Variants in CRYBB3 observed in about 807,000 individuals in gnomAD.
The protein encoded by CRYBB3 is beta-crystallin B3.
CRYBB3 carries 35 observed loss-of-function variants against 28.3 expected under a neutral mutation model. The observed-to-expected ratio is 1.24, with a 90% confidence interval of 0.95 to 1.64. The LOEUF (loss-of-function observed/expected upper bound fraction) is 1.64, where lower values mean the gene tolerates loss of function less well. Ranked by LOEUF, CRYBB3 falls within the 40% of genes most tolerant of loss-of-function variation. The pLI, the probability that CRYBB3 is intolerant of heterozygous loss-of-function variation, is 0.00. For synonymous variants in CRYBB3, 106 were observed against 110.4 expected, an observed-to-expected ratio of 0.96 and a Z score of 0.25; for missense variants, 296 against 297.4, an observed-to-expected ratio of 1.00 and a Z score of 0.04.
intron 3 of CRYBB3, 80 bp downstream of exon 3, chr22:25,202,872 CTGTTG>C: frequency 1.9e-6 from 3 of 1,585,852 alleles, no homozygotes; most frequent in Non-Finnish European, 2.6e-6. Flanking sequence ...AGCTCTAGAT[CTGTTG>C]TGGGGCTTTT....
In CRYBB3 at chr22:25,206,265, C is replaced by T. The variant is rs561999319; in HGVS notation, c.471-782C>T. 7.3e-4 allele frequency among the ~76,000 whole-genome samples: 111 copies of T among 152,260 alleles called. 1 individual carries two copies. Among genetic ancestry groups the T allele is most frequent in the Non-Finnish European group, 8.7e-4 (59 of 68,018 alleles). ...CATCCTCTGGCCCTCAAAAAATTTG[C>T]GTAGTCTGGGGCTCACGCCTGTAAT... On this transcript the variant is annotated intron_variant, in intron 5 of 5. Transcript: ENST00000215855.
chr22:25,205,410 C>T, intron 5 of CRYBB3, 48 bp downstream of exon 5: 1 of 1,609,152 alleles, frequency 6.2e-7, no homozygotes, highest in Non-Finnish European at 8.5e-7. Context: ...GTCAGCCATG[C>T]CTCTGGCTCC....
chr22:25,203,646 G>T, intron 3 of CRYBB3, 117 bp from the exon 4 acceptor site: 1 of 1,133,350 alleles, frequency 8.8e-7, no homozygotes, highest in East Asian at 2.4e-5. Flanking sequence ...TTAGCAGTAG[G>T]GTTGGAGGGA....
At chr22:25,200,374 GA>G (rs1332183279) in intron 1 of CRYBB3, among the ~76,000 whole-genome samples, 1 of 152,122 alleles carries the variant, frequency 6.6e-6, no homozygotes, top group Non-Finnish European at 1.5e-5. Flanking sequence ...GTAACAGTTG[GA>G]TGTGGGGTGT....
intron 2 of CRYBB3, among the ~76,000 whole-genome samples, chr22:25,202,386 G>A (rs1208045815): frequency 6.6e-6 from 1 of 152,208 alleles, no homozygotes; most frequent in African/African-American, 2.4e-5. Flanking sequence ...GCCAGAAGCA[G>A]CTTCATTTCC....
chr22:25,205,555 G>C (rs995046930), intron 5 of CRYBB3, among the ~76,000 whole-genome samples, 193 bp downstream of exon 5: 12 of 152,160 alleles, frequency 7.9e-5, no homozygotes, highest in African/African-American at 2.7e-4. Context: ...CGCCTCCCGG[G>C]TTCATGCCAT....
At position 25,202,746 on chromosome 22, in the gene CRYBB3, G is replaced by T. The variant is rs1226013809; in HGVS notation, c.148G>T (p.Asp50Tyr). The T allele has an allele frequency of 3.1e-6, 5 of 1,614,004 alleles. No homozygotes were observed. Among genetic ancestry groups the T allele is most frequent in the South Asian group, 2.2e-5 (2 of 91,036 alleles). ...CTCGGCCGAGTGCCCCAGCCTGACC[G>T]ACAGCCTGCTGGAGAAGGTGGGCTC... ...ELSAECPSLT[D>Y]SLLEKVGSIQ... is the part of the protein sequence containing the mutation. Residue 50 changes from aspartate to tyrosine, a missense_variant, in exon 3 of 6, where the codon GAC (aspartate) becomes TAC (tyrosine). Transcript: ENST00000215855.
At position 25,207,247 on chromosome 22, in the gene CRYBB3, TG is replaced by T. The variant is rs1225729053; in HGVS notation, c.*41del. 4.4e-6 allele frequency: 7 copies of T among 1,594,880 alleles called. No individual in the cohort carries two copies. The highest frequency in any genetic ancestry group is 3.4e-5 in the Admixed American group (2 of 59,082). On this transcript the variant is annotated 3_prime_UTR_variant, in exon 6 of 6. Transcript: ENST00000215855. ...AGACTTCAAGGACCCAGACCCACCC[TG>T]GGGGGCTGCAAGGGCAAGAAGAGGA...
At position 25,207,189 on chromosome 22, in the gene CRYBB3, C is replaced by T. The variant is rs752618205; in HGVS notation, c.613C>T (p.Arg205Trp). 30 of 1,613,162 alleles carry T rather than the reference C, an allele frequency of 1.9e-5. No homozygotes were observed. The highest frequency in any genetic ancestry group is 2.2e-5 in the South Asian group (2 of 91,034). ...RRIRDQKWHK[R>W]GRFPSS ...CATCCGTGACCAGAAGTGGCACAAG[C>T]GGGGCCGCTTCCCCAGCAGCTGAAA... The change falls in exon 6 of 6, where the codon CGG becomes TGG. Residue 205 changes from arginine (R) to tryptophan (W), a missense_variant. By Grantham distance (101) the Arg-to-Trp change is moderately radical. Coordinates refer to ENST00000215855, the MANE Select transcript of CRYBB3 (RefSeq NM_004076.5).
At chr22:25,205,445 CTTA>C (rs1935016858) in intron 5 of CRYBB3, 83 bp downstream of exon 5, 1 of 1,427,132 alleles carries the variant, frequency 7.0e-7, no homozygotes, top group East Asian at 2.6e-5. Flanking sequence ...CCCATAGTTT[CTTA>C]TTATTTTATT....
rs759853170 is a variant in CRYBB3 at position 25,201,428 on chromosome 22, C to G, written c.32C>G (p.Ala11Gly). Residue 11 changes from alanine (A) to glycine (G), a missense_variant, in exon 2 of 6, where the codon GCT becomes GGT. Transcript: ENST00000215855. MAEQHGAPEQ[A>G]AAGKSHGDLG... ...GAACAGCACGGAGCACCCGAACAGGCTGCAGCTGGCAAGAGCCATGGAGAC... is the reference window on the plus strand; with the variant it reads ...GAACAGCACGGAGCACCCGAACAGGGTGCAGCTGGCAAGAGCCATGGAGAC... 10 of 1,613,398 alleles carry G rather than the reference C, an allele frequency of 6.2e-6. No homozygotes were observed. The highest frequency in any genetic ancestry group is 2.2e-5 in the South Asian group (2 of 91,080).
chr22:25,205,345 C>T lies in CRYBB3; in HGVS notation c.453C>T (p.Val151=), dbSNP rs867666280. The change falls in exon 5 of 6, where the codon GTC becomes GTT. Residue 151 remains valine, a synonymous_variant. Transcript: ENST00000215855. Reference sequence around the variant, plus strand: ...GCTTCCAGGACCGTGTGGCGAGTGTCCGTGCCATCAACGGGACGTAAGGGA... The same window carrying T: ...GCTTCCAGGACCGTGTGGCGAGTGTTCGTGCCATCAACGGGACGTAAGGGA... ...AHGFQDRVAS[V]RAINGTWVGY... The T allele has an allele frequency of 1.2e-6, 2 of 1,614,094 alleles. No individual in the cohort carries two copies. Among genetic ancestry groups the T allele is most frequent in the Middle Eastern group, 1.6e-4 (1 of 6,062 alleles).
rs1264094293 is a variant in CRYBB3 at position 25,201,409 on chromosome 22, C to G, written c.13C>G (p.His5Asp). MAEQ[H>D]GAPEQAAAGK... is the part of the protein sequence containing the mutation. Reference sequence around the variant, plus strand: ...TGTTCCTGGGGAGATGGCGGAACAGCACGGAGCACCCGAACAGGCTGCAGC... The same window carrying G: ...TGTTCCTGGGGAGATGGCGGAACAGGACGGAGCACCCGAACAGGCTGCAGC... The change falls in exon 2 of 6, where the codon CAC (histidine) becomes GAC (aspartate). Residue 5 changes from histidine to aspartate, a missense_variant. Transcript: ENST00000215855. The G allele has an allele frequency of 6.2e-7, 1 of 1,613,318 alleles. No homozygotes were observed. Among genetic ancestry groups the G allele is most frequent in the Admixed American group, 1.7e-5 (1 of 59,978 alleles).
In CRYBB3 at chr22:25,207,112, G is replaced by T; in HGVS notation, c.536G>T (p.Arg179Leu). 6.2e-7 allele frequency: 1 copy of T among 1,613,552 alleles called. No individual in the cohort carries two copies. Among genetic ancestry groups the T allele is most frequent in the Non-Finnish European group, 8.5e-7 (1 of 1,179,780 alleles). ...RQYVFERGEY[R>L]HWNEWDASQP... Reference sequence around the variant, plus strand: ...TACGTGTTTGAGCGGGGCGAGTACCGCCACTGGAATGAGTGGGACGCCAGC... The same window carrying T: ...TACGTGTTTGAGCGGGGCGAGTACCTCCACTGGAATGAGTGGGACGCCAGC... The change falls in exon 6 of 6, where the codon CGC (arginine) becomes CTC (leucine). Residue 179 changes from arginine to leucine, a missense_variant. Physicochemically the swap from Arg to Leu is moderately radical, Grantham distance 102. Transcript: ENST00000215855.
chr22:25,205,143 C>T, intron 4 of CRYBB3, 77 bp from the exon 5 acceptor site: 2 of 1,598,346 alleles, frequency 1.3e-6, no homozygotes, highest in Non-Finnish European at 1.7e-6. Flanking sequence ...CCTGTTGATT[C>T]TTTCCGGCAT....
Position 25,207,066 on chromosome 22 carries a change from C to T in CRYBB3, c.490C>T (p.Pro164Ser). 2 of 1,613,698 alleles carry T rather than the reference C, an allele frequency of 1.2e-6. No homozygotes were observed. The highest frequency in any genetic ancestry group is 1.1e-5 in the South Asian group (1 of 91,086). ...CGGCAGGTGGGTTGGCTATGAGTTC[C>T]CCGGCTACCGTGGGCGCCAGTACGT... ...INGTWVGYEFPGYRGRQYVFE... is the reference protein window; with the variant it reads ...INGTWVGYEFSGYRGRQYVFE... Residue 164 changes from proline (P) to serine (S), a missense_variant, in exon 6 of 6, where the codon CCC becomes TCC. Physicochemically the swap from Pro to Ser is moderately conservative, Grantham distance 74. Coordinates refer to ENST00000215855, the MANE Select transcript of CRYBB3 (RefSeq NM_004076.5).
At chr22:25,203,380 T>C (rs1281644155) in intron 3 of CRYBB3, among the ~76,000 whole-genome samples, 1 of 152,208 alleles carries the variant, frequency 6.6e-6, no homozygotes, top group East Asian at 1.9e-4. Flanking sequence ...AGAGAGTTTT[T>C]ATGAAAATGA....
intron 5 of CRYBB3, 23 bp downstream of exon 5, chr22:25,205,385 T>G (rs1935016055): frequency 6.2e-7 from 1 of 1,613,386 alleles, no homozygotes; most frequent in South Asian, 1.1e-5. Context: ...ACCCTCACCC[T>G]TGCCCCATCT....
rs1934989289 is a variant in CRYBB3 at position 25,203,898 on chromosome 22, G to C, written c.327+3G>C. On this transcript the variant is annotated splice_donor_region_variant and intron_variant, in intron 4 of 5. Coordinates refer to ENST00000215855, the MANE Select transcript of CRYBB3 (RefSeq NM_004076.5). Reference sequence around the variant, plus strand: ...TGTCCCTCCGGCCTCTGAATATTGTGAGTGTGGTTCCTGCTCACTTCTGGG... The same window carrying C: ...TGTCCCTCCGGCCTCTGAATATTGTCAGTGTGGTTCCTGCTCACTTCTGGG... 6.2e-7 allele frequency: 1 copy of C among 1,614,162 alleles called. No individual in the cohort carries two copies.
Sources: gnomAD v4.1 joint callset for allele counts (sites outside exome capture counted in the v4.1 genomes callset) on GRCh38, gnomAD v4.1.1 for gene constraint, MANE v1.5 for transcripts, NCBI Gene and HGNC (gene_info 2026-07-23, HGNC 2026-07-21) for gene names.